The following ADGB variants were observed in gnomAD, a reference collection of about 807,000 sequenced individuals.
ADGB encodes the protein androglobin.
Under a neutral mutation model 210.5 loss-of-function variants are expected in ADGB, and 172 were observed. That is an observed-to-expected ratio of 0.82 (90% CI 0.72 to 0.93). The LOEUF is 0.93. Among genes scored for constraint, ADGB ranks in the 40% least tolerant of loss-of-function variants. The probability of loss-of-function intolerance (pLI) is 0.00; values close to 1 mark genes in which losing one functional copy is unlikely to be tolerated. For synonymous variants in ADGB, 658 were observed against 662.7 expected (o/e 0.99, Z 0.11); for missense variants, 2,025 against 1,964.8 (o/e 1.03, Z -0.58).
chr6:146,742,228 G>A (rs1044235519), intron 25 of ADGB, among the ~76,000 whole-genome samples: 1 of 151,888 alleles, frequency 6.6e-6, no homozygotes, highest in African/African-American at 2.4e-5. Context: ...ACATATGTGT[G>A]TATATGTGTA....
At chr6:146,676,540 CTAAA>C in intron 9 of ADGB, 99 bp downstream of exon 9, 1 of 1,104,140 alleles carries the variant, frequency 9.1e-7, no homozygotes, top group Non-Finnish European at 1.2e-6. Context: ...TTTGAAATAA[CTAAA>C]TAAACTTAGT....
At chr6:146,620,871 T>C (rs1260466644) in intron 1 of ADGB, among the ~76,000 whole-genome samples, 2 of 152,168 alleles carry the variant, frequency 1.3e-5, no homozygotes, top group Non-Finnish European at 2.9e-5. Context: ...GCAACTCTTA[T>C]GTTGATTCCT....
chr6:146,746,151 A>C (rs949177805), intron 26 of ADGB, 42 bp downstream of exon 26: 1 of 1,334,924 alleles, frequency 7.5e-7, no homozygotes, highest in Non-Finnish European at 1.0e-6. Context: ...TTTTTAAAAA[A>C]TATTAATATT....
At chr6:146,743,838 C>A (rs1174380601) in intron 25 of ADGB, among the ~76,000 whole-genome samples, 1 of 152,126 alleles carries the variant, frequency 6.6e-6, no homozygotes, top group Admixed American at 6.5e-5. Context: ...CACTTGAACC[C>A]AGAAGACAGA....
At chr6:146,770,451 C>T (rs1191691112) in intron 29 of ADGB, 2 of 284,234 alleles carry the variant, frequency 7.0e-6, no homozygotes, top group African/African-American at 4.5e-5. Flanking sequence ...TGCCGAAATT[C>T]CAACGGCATC....
chr6:146,689,800 C>CA (rs1312721480), intron 10 of ADGB, among the ~76,000 whole-genome samples: 1 of 152,088 alleles, frequency 6.6e-6, no homozygotes, highest in East Asian at 1.9e-4. Context: ...TGGCTTGACT[C>CA]ATGGAAACTT....
intron 13 of ADGB, among the ~76,000 whole-genome samples, chr6:146,704,443 C>T (rs971709045): frequency 6.6e-6 from 1 of 151,940 alleles, no homozygotes; most frequent in African/African-American, 2.4e-5. Flanking sequence ...ATTCAGCATA[C>T]ATTCAGGTCT....
chr6:146,809,393 C>G (rs891271254), intron 35 of ADGB, among the ~76,000 whole-genome samples: 1 of 152,040 alleles, frequency 6.6e-6, no homozygotes, highest in African/African-American at 2.4e-5. Flanking sequence ...TTAGTAGAGA[C>G]GGGGGTTTCA....
chr6:146,619,121 A>G (rs551845450), intron 1 of ADGB, among the ~76,000 whole-genome samples: 1 of 148,452 alleles, frequency 6.7e-6, no homozygotes, highest in Non-Finnish European at 1.5e-5. Flanking sequence ...ATATATATAT[A>G]GATAGATAGA....
rs558254471 is a variant in ADGB, at chr6:146,801,201, G to A, written c.4556G>A (p.Arg1519Gln). ...KENIQTGPRT[R>Q]SPTILETSPR... is the part of the protein sequence containing the mutation. ...TTTAAAGAAACAGGACCTCGTACAC[G>A]ATCTCCAACAATTTTGGAAACATCT... Residue 1519 changes from arginine to glutamine, a missense_variant, in exon 34 of 36, where the codon CGA becomes CAA. Arg to Gln is a conservative substitution (Grantham distance 43, BLOSUM62 1). Transcript: ENST00000397944. The A allele has an allele frequency of 2.1e-5, 32 of 1,496,338 alleles. No individual in the cohort carries two copies. The highest frequency in any genetic ancestry group is 2.7e-5 in the South Asian group (2 of 74,656). The allele number at this position is 1,496,338 out of a possible 1,614,324, so 92.7% of individuals were successfully genotyped here.
intron 13 of ADGB, among the ~76,000 whole-genome samples, chr6:146,703,069 A>C (rs1414138266): frequency 6.6e-6 from 1 of 151,586 alleles, no homozygotes; most frequent in Non-Finnish European, 1.5e-5. Context: ...ATTTACTGCC[A>C]TTTCTGTTTG....
intron 25 of ADGB, among the ~76,000 whole-genome samples, chr6:146,743,951 G>A (rs1225450576): frequency 6.6e-6 from 1 of 152,132 alleles, no homozygotes; most frequent in Non-Finnish European, 1.5e-5. Flanking sequence ...AAATGCGGAG[G>A]AGTATGTCAA....
At chr6:146,637,013 C>T (rs991202654) in intron 2 of ADGB, among the ~76,000 whole-genome samples, 34 of 151,802 alleles carry the variant, frequency 2.2e-4, no homozygotes, top group South Asian at 4.2e-4. Context: ...AAGGATGTGA[C>T]GGGTGAATCA....
intron 27 of ADGB, among the ~76,000 whole-genome samples, chr6:146,755,896 A>T (rs997449966): frequency 2.0e-5 from 3 of 152,000 alleles, no homozygotes; most frequent in Non-Finnish European, 4.4e-5. Flanking sequence ...AATAACTGTT[A>T]TTTTTCTATA....
intron 10 of ADGB, among the ~76,000 whole-genome samples, chr6:146,688,784 A>G (rs1017781280): frequency 3.9e-5 from 6 of 152,134 alleles, no homozygotes; most frequent in Admixed American, 1.3e-4. Flanking sequence ...TGGAGATACA[A>G]TGTCTTAAGA....
chr6:146,656,058 A>G (rs1775776110), intron 4 of ADGB, among the ~76,000 whole-genome samples: 1 of 152,186 alleles, frequency 6.6e-6, no homozygotes, highest in African/African-American at 2.4e-5. Flanking sequence ...AAAAATAGCT[A>G]CTATTATCTA....
intron 1 of ADGB, among the ~76,000 whole-genome samples, chr6:146,633,908 A>C (rs1781100264): frequency 6.6e-6 from 1 of 152,098 alleles, no homozygotes; most frequent in South Asian, 2.1e-4. Flanking sequence ...AATGTAGCCT[A>C]AGTGTACAAT....
At chr6:146,731,432 C>T (rs890174589) in intron 20 of ADGB, among the ~76,000 whole-genome samples, 16 of 151,848 alleles carry the variant, frequency 1.1e-4, no homozygotes, top group African/African-American at 3.9e-4. Context: ...CACCTGTCTC[C>T]TCTACCACCC....
intron 12 of ADGB, among the ~76,000 whole-genome samples, chr6:146,698,586 A>G (rs1653177504): frequency 6.6e-6 from 1 of 152,124 alleles, no homozygotes; most frequent in South Asian, 2.1e-4. Context: ...GTAGGGAGGG[A>G]GCACTGCACA....
Sources: gnomAD v4.1 joint callset for allele counts (sites outside exome capture counted in the v4.1 genomes callset) on GRCh38, gnomAD v4.1.1 for gene constraint, MANE v1.5 for transcripts, NCBI Gene and HGNC (gene_info 2026-07-23, HGNC 2026-07-21) for gene names.